The following TANC1 variants were observed in gnomAD, a reference collection of about 807,000 sequenced individuals.
The protein encoded by TANC1 is tetratricopeptide repeat, ankyrin repeat and coiled-coil containing 1.
Under a neutral mutation model 149.7 loss-of-function variants are expected in TANC1, and 77 were observed. The observed-to-expected ratio is 0.51, with a 90% CI of 0.43 to 0.62. The LOEUF (loss-of-function observed/expected upper bound fraction) is 0.62, where lower values mean the gene tolerates loss of function less well. TANC1 is among the 20% of genes least tolerant of loss of function. TANC1 has a pLI of 0.00. For missense variants in TANC1, 1,985 were observed against 2,321.8 expected, an observed-to-expected ratio of 0.85 and a Z score of 2.98; for synonymous variants, 854 against 925.0, an observed-to-expected ratio of 0.92 and a Z score of 1.39.
At position 159,230,448 on chromosome 2, in the gene TANC1, G is replaced by T. The variant is rs761705992; in HGVS notation, c.5022G>T (p.Lys1674Asn). Residue 1674 changes from lysine (K) to asparagine (N), a missense_variant, in exon 27 of 27, where the codon AAG becomes AAT. By Grantham distance (94) the Lys-to-Asn change is moderately conservative. Transcript: ENST00000263635. This position sits in a 1 kb window ranked among gnomAD's most constrained non-coding sequence, Gnocchi z 4.4. ...GSSGSPSSSI[K>N]MSSSTSSLTS... ...CTGGTTCTCCATCCAGCAGCATAAAGATGTCAAGTTCAACCAGTAGTTTGA... is the reference window on the plus strand; with the variant it reads ...CTGGTTCTCCATCCAGCAGCATAAATATGTCAAGTTCAACCAGTAGTTTGA... 1 of 1,614,154 alleles carries T rather than the reference G, an allele frequency of 6.2e-7. No homozygotes were observed. Among genetic ancestry groups the T allele is most frequent in the Non-Finnish European group, 8.5e-7 (1 of 1,180,044 alleles).
intron 4 of TANC1, among the ~76,000 whole-genome samples, chr2:159,114,480 T>C (rs544846135): frequency 6.6e-5 from 10 of 152,290 alleles, no homozygotes; most frequent in African/African-American, 2.4e-4. Context: ...GGGGGAAACA[T>C]CTTAACTGTA....
chr2:159,079,097 G>A (rs902878209), intron 3 of TANC1, among the ~76,000 whole-genome samples: 1 of 152,016 alleles, frequency 6.6e-6, no homozygotes, highest in African/African-American at 2.4e-5. Context: ...ATGTTTGGGG[G>A]AGGGATGAGA....
intron 4 of TANC1, among the ~76,000 whole-genome samples, chr2:159,126,198 G>A (rs529407383): frequency 9.9e-5 from 15 of 152,262 alleles, no homozygotes; most frequent in African/African-American, 3.6e-4. Flanking sequence ...GTAATGAGGG[G>A]ATGGGATCTT....
At chr2:159,099,281 T>C (rs1470524385) in intron 4 of TANC1, among the ~76,000 whole-genome samples, 1 of 152,206 alleles carries the variant, frequency 6.6e-6, no homozygotes, top group Non-Finnish European at 1.5e-5. Context: ...GGGAAGTTCC[T>C]GGAATGTCCG....
At chr2:159,082,383 A>AG (rs2044367874) in intron 3 of TANC1, among the ~76,000 whole-genome samples, 1 of 152,270 alleles carries the variant, frequency 6.6e-6, no homozygotes, top group African/African-American at 2.4e-5. Flanking sequence ...AAAAAAAAAA[A>AG]AAGACGGTGC....
At chr2:158,986,207 G>A (rs2034983978) in intron 1 of TANC1, among the ~76,000 whole-genome samples, 1 of 152,190 alleles carries the variant, frequency 6.6e-6, no homozygotes, top group South Asian at 2.1e-4. Context: ...CATGAAGAAG[G>A]AGTGCACATG....
intron 3 of TANC1, among the ~76,000 whole-genome samples, chr2:159,091,150 T>G (rs896483006): frequency 1.3e-5 from 2 of 152,168 alleles, no homozygotes; most frequent in Non-Finnish European, 2.9e-5. Flanking sequence ...CCTTTCTCAG[T>G]AGCCTTCTCC....
At chr2:159,219,557 T>C in intron 21 of TANC1, 135 bp from the exon 22 acceptor site, 1 of 1,299,236 alleles carries the variant, frequency 7.7e-7, no homozygotes. Context: ...TGCCAGCCCA[T>C]CCGGCCAGTG....
chr2:159,075,034 C>T (rs2043520259), intron 3 of TANC1, among the ~76,000 whole-genome samples: 1 of 152,078 alleles, frequency 6.6e-6, no homozygotes, highest in South Asian at 2.1e-4. Context: ...GGAGTTAGAG[C>T]TTCAACATAG....
At position 159,164,718 on chromosome 2, in the gene TANC1, C is replaced by T. The variant is rs140389614; in HGVS notation, c.946+1172C>T. 1.3e-3 allele frequency among the ~76,000 whole-genome samples: 204 copies of T among 152,336 alleles called. 1 individual carries two copies. Among genetic ancestry groups the T allele is most frequent in the African/African-American group, 4.8e-3 (200 of 41,572 alleles). On this transcript the variant is annotated intron_variant, in intron 8 of 26. Transcript: ENST00000263635. ...TTCTCTGTGATTTATACTGTGCTTT[C>T]AGGATGCGGTGGGTCACTCTGGTGG...
Position 159,103,221 on chromosome 2 carries a change from A to G in TANC1, c.259+5387A>G, listed in dbSNP as rs1439260664. Among the ~76,000 whole-genome samples, 4 of 95,502 alleles carry G rather than the reference A, an allele frequency of 4.2e-5. 2 individuals carry two copies. The highest frequency in any genetic ancestry group is 1.2e-4 in the African/African-American group (4 of 34,436). 62.7% of individuals were successfully genotyped at this position (95,502 alleles called of 152,430 possible). A position where few individuals can be genotyped will look rare whatever the true frequency, so the allele number is the denominator to read the frequency against. ...AACAGGAATACTTTTGTCCAGTGAT[A>G]TTTACAAACATCTCTGATATCTCCT... On this transcript the variant is annotated intron_variant, in intron 4 of 26. Coordinates refer to ENST00000263635, the MANE Select transcript of TANC1 (RefSeq NM_033394.3).
chr2:159,053,193 T>C (rs1460943640), intron 2 of TANC1, among the ~76,000 whole-genome samples: 1 of 152,110 alleles, frequency 6.6e-6, no homozygotes, highest in African/African-American at 2.4e-5. Context: ...CTGTGACTTT[T>C]ATCATCTGGA....
chr2:159,181,487 C>T (rs1040732270), intron 14 of TANC1, among the ~76,000 whole-genome samples: 8 of 152,058 alleles, frequency 5.3e-5, no homozygotes, highest in South Asian at 2.1e-4. Context: ...TTAGTAGAGA[C>T]GGGGTTTCAC....
intron 14 of TANC1, among the ~76,000 whole-genome samples, chr2:159,181,670 G>C (rs1475763191): frequency 6.6e-6 from 1 of 152,206 alleles, no homozygotes; most frequent in Non-Finnish European, 1.5e-5. Flanking sequence ...GTGCCTTGCA[G>C]GTCTGGATTC....
chr2:158,990,850 A>G (rs1256342091), intron 1 of TANC1, among the ~76,000 whole-genome samples: 1 of 152,058 alleles, frequency 6.6e-6, no homozygotes, highest in Non-Finnish European at 1.5e-5. Context: ...GGGTGGGCGG[A>G]TTGCTTGAGC....
At position 159,194,291 on chromosome 2, in the gene TANC1, T is replaced by C; in HGVS notation, c.2777T>C (p.Val926Ala). 6.2e-7 allele frequency: 1 copy of C among 1,614,128 alleles called. No individual in the cohort carries two copies. The highest frequency in any genetic ancestry group is 8.5e-7 in the Non-Finnish European group (1 of 1,179,948). ...SRLLILGGAN[V>A]NYRTEVLNNA... Reference sequence around the variant, plus strand: ...CTCCTGATTTTGGGAGGGGCCAACGTGAACTACAGGACAGAAGTGTTAAAT... The same window carrying C: ...CTCCTGATTTTGGGAGGGGCCAACGCGAACTACAGGACAGAAGTGTTAAAT... Residue 926 changes from valine (V) to alanine (A), a missense_variant, in exon 17 of 27, where the codon GTG becomes GCG. Val to Ala is a moderately conservative substitution (Grantham distance 64). Coordinates refer to ENST00000263635, the MANE Select transcript of TANC1 (RefSeq NM_033394.3).
In TANC1 at chr2:158,989,609, CAA is replaced by C. The variant is rs35891573; in HGVS notation, c.-125-11453_-125-11452del. On this transcript the variant is annotated intron_variant, in intron 1 of 26. Coordinates refer to ENST00000263635, the MANE Select transcript of TANC1 (RefSeq NM_033394.3). ...TAGGCAACAGAGCAAGACTCAGTCT[CAA>C]AAAAAAAAAAAAAAAAAGAATCTTT... is the stretch of plus-strand genomic sequence containing the variant. Among the ~76,000 whole-genome samples the C allele has an allele frequency of 8.7e-3, 763 of 87,552 alleles. 3 individuals are homozygous for C. Among genetic ancestry groups the C allele is most frequent in the African/African-American group, 0.028 (652 of 23,092 alleles). 57.4% of individuals were successfully genotyped at this position (87,552 alleles called of 152,430 possible).
chr2:159,169,174 T>C (rs938440159), intron 8 of TANC1, 76 bp from the exon 9 acceptor site: 1 of 1,209,714 alleles, frequency 8.3e-7, no homozygotes, highest in Admixed American at 2.0e-5. Flanking sequence ...TGCTTAGTGA[T>C]TTATAAGTTA....
At chr2:159,047,191 C>A (rs968745691) in intron 2 of TANC1, among the ~76,000 whole-genome samples, 4 of 149,472 alleles carry the variant, frequency 2.7e-5, no homozygotes, top group Non-Finnish European at 4.5e-5. Context: ...ACTCATTTCC[C>A]CCCCCCAGTT....
Sources: allele counts gnomAD v4.1 joint callset (sites outside exome capture counted in the v4.1 genomes callset), GRCh38; gene constraint gnomAD v4.1.1; non-coding constraint Gnocchi (gnomAD v3.1); transcripts MANE v1.5; gene names NCBI Gene and HGNC (gene_info 2026-07-23, HGNC 2026-07-21).